CCDC158: variants seen among roughly 807,000 people sequenced by gnomAD.
The protein encoded by CCDC158 is coiled-coil domain-containing protein 158.
A neutral mutation model predicts 138.6 loss-of-function variants in CCDC158; 116 were observed. The ratio of observed to expected loss-of-function variants is 0.84; its 90% CI spans 0.72 to 0.98. The LOEUF is 0.98. CCDC158 is among the 50% of genes least tolerant of loss of function. The pLI, the probability that CCDC158 is intolerant of heterozygous loss-of-function variation, is 0.00. For synonymous variants in CCDC158, 436 were observed against 442.4 expected, an observed-to-expected ratio of 0.99 and a Z score of 0.18; for missense variants, 1,265 against 1,306.1, an observed-to-expected ratio of 0.97 and a Z score of 0.48.
At chr4:76,348,136 G>T (rs1417689482) in intron 18 of CCDC158, among the ~76,000 whole-genome samples, 9 of 152,020 alleles carry the variant, frequency 5.9e-5, no homozygotes. Context: ...TTATAAAAGG[G>T]CACTAATGCC....
intron 4 of CCDC158, among the ~76,000 whole-genome samples, chr4:76,391,820 C>CA (rs60660297): frequency 4.0e-5 from 6 of 151,238 alleles, no homozygotes; most frequent in Admixed American, 6.6e-5. Flanking sequence ...AAATCAGAGA[C>CA]AAAAAAAGGA....
chr4:76,317,774 A>G lies in CCDC158; in HGVS notation c.3278-4528T>C, dbSNP rs144990408. Among the ~76,000 whole-genome samples the G allele has an allele frequency of 8.3e-3, 1,261 of 152,326 alleles. 13 individuals are homozygous for G. The highest frequency in any genetic ancestry group is 0.015 in the Non-Finnish European group (1,002 of 68,008). Reference sequence around the variant, plus strand: ...ATGATAGGCCACAAAACAAGTCTCAACAAATTTAAGAAAAGCAAAATGATA... The same window carrying G: ...ATGATAGGCCACAAAACAAGTCTCAGCAAATTTAAGAAAAGCAAAATGATA... On this transcript the variant is annotated intron_variant, in intron 24 of 24. Coordinates refer to ENST00000682701, the MANE Select transcript of CCDC158 (RefSeq NM_001394954.1).
chr4:76,364,260 A>C (rs1449358484), intron 12 of CCDC158, among the ~76,000 whole-genome samples: 1 of 152,144 alleles, frequency 6.6e-6, no homozygotes. Flanking sequence ...CCCAACCTGC[A>C]GGTCTGGACT....
At chr4:76,351,241 G>T (rs953106864) in intron 17 of CCDC158, 120 bp from the exon 18 acceptor site, 2 of 895,460 alleles carry the variant, frequency 2.2e-6, no homozygotes, top group South Asian at 2.1e-5. Flanking sequence ...TTTAAAATAT[G>T]TCTGTAGCTT....
chr4:76,389,125 G>A (rs917373416), intron 4 of CCDC158, among the ~76,000 whole-genome samples: 2 of 151,836 alleles, frequency 1.3e-5, no homozygotes, highest in Admixed American at 6.6e-5. Context: ...AAGGTACCAG[G>A]GACCAATTAT....
chr4:76,414,391 C>G (rs1308189166), intron 1 of CCDC158: 1 of 152,112 alleles, frequency 6.6e-6, no homozygotes, highest in Non-Finnish European at 1.5e-5. Context: ...CAAGACCAAT[C>G]AAGTTTCCAC....
rs145131186 is a variant in CCDC158 at position 76,404,355 on chromosome 4, T to G, written c.-73-1075A>C. ...GTCAGAAAACATGAATACAATCTTT[T>G]CTGCTGATGAAAAGTCTCTCCCACA... On this transcript the variant is annotated intron_variant, in intron 2 of 24. Coordinates refer to ENST00000682701, the MANE Select transcript of CCDC158 (RefSeq NM_001394954.1). 1.6e-4 allele frequency among the ~76,000 whole-genome samples: 25 copies of G among 152,300 alleles called. No individual in the cohort carries two copies. In the South Asian group the frequency reaches 2.1e-3, roughly 13 times the overall value.
intron 18 of CCDC158, among the ~76,000 whole-genome samples, chr4:76,343,168 C>T (rs1287631091): frequency 6.6e-6 from 1 of 152,108 alleles, no homozygotes; most frequent in Non-Finnish European, 1.5e-5. Context: ...CCTAGACTTC[C>T]TCTCCCACTC....
chr4:76,420,217 C>T (rs1207067007), intron 1 of CCDC158, among the ~76,000 whole-genome samples: 1 of 152,008 alleles, frequency 6.6e-6, no homozygotes, highest in Non-Finnish European at 1.5e-5. Context: ...CCTAGCATGT[C>T]TCTGGGATAT....
At chr4:76,409,097 C>G (rs1729081491) in intron 2 of CCDC158, among the ~76,000 whole-genome samples, 1 of 152,126 alleles carries the variant, frequency 6.6e-6, no homozygotes, top group Admixed American at 6.5e-5. Flanking sequence ...GTTGCCAATG[C>G]TGGTAGTTAT....
Position 76,405,509 on chromosome 4 carries a change from A to G in CCDC158, c.-73-2229T>C, listed in dbSNP as rs1284009406. 3.9e-5 allele frequency among the ~76,000 whole-genome samples: 6 copies of G among 152,300 alleles called. No individual in the cohort carries two copies. The East Asian group carries it at 1.2e-3, about 29-fold the overall frequency. Reference sequence around the variant, plus strand: ...GTAAATTTGGAAAAAAAGGATAAAGACAAACATTTAAAAAACAAGACCGGG... The same window carrying G: ...GTAAATTTGGAAAAAAAGGATAAAGGCAAACATTTAAAAAACAAGACCGGG... On this transcript the variant is annotated intron_variant, in intron 2 of 24. Transcript: ENST00000682701.
chr4:76,413,924 GTT>G (rs1729490993), intron 1 of CCDC158, among the ~76,000 whole-genome samples: 1 of 152,140 alleles, frequency 6.6e-6, no homozygotes, highest in Non-Finnish European at 1.5e-5. Context: ...TTAGAATAAA[GTT>G]TTTACTTTTC....
chr4:76,336,509 G>A (rs976046193), intron 18 of CCDC158, among the ~76,000 whole-genome samples: 7 of 152,016 alleles, frequency 4.6e-5, no homozygotes, highest in Non-Finnish European at 8.8e-5. Context: ...TTCTCTCTAC[G>A]GCATTCTAGT....
rs1226417887 is a variant in CCDC158 at position 76,334,124 on chromosome 4, TC to T, written c.2707del (p.Asp903ThrfsTer2). 1 of 1,613,586 alleles carries T rather than the reference TC, an allele frequency of 6.2e-7. No homozygotes were observed. The highest frequency in any genetic ancestry group is 8.5e-7 in the Non-Finnish European group (1 of 1,179,640). On this transcript the variant is annotated frameshift_variant, in exon 19 of 25. Coordinates refer to ENST00000682701, the MANE Select transcript of CCDC158 (RefSeq NM_001394954.1). LOFTEE classifies it high-confidence loss of function. ...CAACTCTTGGAGAAGCTGTTTCAGG[TC>T]CCTTGTTGGATCTTCCTTCAGTGTG... is the stretch of plus-strand genomic sequence containing the variant. ...ANTLKEDPTR[D>X]LKQLLQELRS... is the part of the protein sequence containing the mutation.
intron 3 of CCDC158, chr4:76,401,467 T>C (rs899497767): frequency 5.0e-5 from 17 of 337,658 alleles, no homozygotes; most frequent in Admixed American, 9.8e-5. Context: ...CTTGAGTGCA[T>C]TGAACCCAGC....
At chr4:76,329,652 A>G (rs1336710411) in intron 21 of CCDC158, among the ~76,000 whole-genome samples, 1 of 152,184 alleles carries the variant, frequency 6.6e-6, no homozygotes, top group Non-Finnish European at 1.5e-5. Context: ...ACAAAACTAT[A>G]AGACATATAA....
At chr4:76,359,948 T>C (rs893142680) in intron 13 of CCDC158, among the ~76,000 whole-genome samples, 4 of 152,232 alleles carry the variant, frequency 2.6e-5, no homozygotes, top group African/African-American at 9.6e-5. Flanking sequence ...TCAGAGACTT[T>C]CTCAGAAGCC....
intron 1 of CCDC158, among the ~76,000 whole-genome samples, chr4:76,413,025 T>A (rs985048693): frequency 2.0e-5 from 3 of 152,226 alleles, no homozygotes; most frequent in African/African-American, 7.2e-5. Flanking sequence ...TTGGAAATGC[T>A]CTTGACCAGG....
At chr4:76,350,470 A>G (rs1288383901) in intron 18 of CCDC158, among the ~76,000 whole-genome samples, 1 of 152,256 alleles carries the variant, frequency 6.6e-6, no homozygotes, top group Non-Finnish European at 1.5e-5. Context: ...TTTCATAAAT[A>G]CATATTTTCA....
Sources: allele counts gnomAD v4.1 joint callset (sites outside exome capture counted in the v4.1 genomes callset), GRCh38; gene constraint gnomAD v4.1.1; transcripts MANE v1.5; gene names NCBI Gene and HGNC (gene_info 2026-07-23, HGNC 2026-07-21).